The following THSD7B variants were observed in gnomAD, a reference collection of about 807,000 sequenced individuals.
THSD7B encodes thrombospondin type-1 domain-containing protein 7B.
In THSD7B, 138 loss-of-function variants were observed where a neutral mutation model predicts 213.6. The observed-to-expected ratio is 0.65, with a 90% CI of 0.56 to 0.74. The LOEUF is 0.74. Ranked by LOEUF, THSD7B falls within the 30% of genes least tolerant of loss-of-function variation. THSD7B has a pLI of 0.00. For synonymous variants in THSD7B, 742 were observed against 687.0 expected, an observed-to-expected ratio of 1.08 and a Z score of -1.25; for missense variants, 1,931 against 1,991.5, an observed-to-expected ratio of 0.97 and a Z score of 0.58.
intron 21 of THSD7B, among the ~76,000 whole-genome samples, chr2:137,651,472 A>G (rs1368073226): frequency 6.6e-6 from 1 of 151,700 alleles, no homozygotes; most frequent in Non-Finnish European, 1.5e-5. Context: ...TTCTTAGTCT[A>G]GCTAAAAGTT....
chr2:137,458,732 T>C (rs1687820223), intron 15 of THSD7B, among the ~76,000 whole-genome samples: 1 of 152,176 alleles, frequency 6.6e-6, no homozygotes, highest in Non-Finnish European at 1.5e-5. Context: ...TTGATGTGCA[T>C]GGTCTGTCCC....
chr2:137,573,054 A>C (rs72844525), intron 17 of THSD7B, among the ~76,000 whole-genome samples: 9,098 of 142,752 alleles, frequency 0.064, 418 homozygotes, highest in Non-Finnish European at 0.1. Flanking sequence ...AAAGCTAACA[A>C]AAATACCTTA....
intron 4 of THSD7B, among the ~76,000 whole-genome samples, chr2:137,099,095 C>T (rs1023892689): frequency 6.6e-6 from 1 of 152,124 alleles, no homozygotes; most frequent in Non-Finnish European, 1.5e-5. Context: ...TCATTAAACA[C>T]TCACAGTGTA....
chr2:137,241,686 G>A (rs913828298), intron 9 of THSD7B, among the ~76,000 whole-genome samples: 3 of 152,032 alleles, frequency 2.0e-5, no homozygotes, highest in African/African-American at 4.8e-5. Flanking sequence ...GCCAAGGAGG[G>A]CAGATTATGA....
At chr2:137,353,315 T>C (rs1685054911) in intron 12 of THSD7B, among the ~76,000 whole-genome samples, 1 of 152,094 alleles carries the variant, frequency 6.6e-6, no homozygotes, top group South Asian at 2.1e-4. Flanking sequence ...TTACCAGTTA[T>C]TAGCTCATTC....
At chr2:137,559,576 A>C (rs1412315165) in intron 15 of THSD7B, among the ~76,000 whole-genome samples, 1 of 152,322 alleles carries the variant, frequency 6.6e-6, no homozygotes, top group East Asian at 1.9e-4. Context: ...GGATGGACTA[A>C]TGACTTAAAT....
chr2:136,880,397 T>G (rs1413936927), intron 1 of THSD7B, among the ~76,000 whole-genome samples: 2 of 152,214 alleles, frequency 1.3e-5, no homozygotes, highest in Non-Finnish European at 2.9e-5. Context: ...CTTTTTACTC[T>G]CCAGTACCTA....
chr2:137,063,543 C>T (rs999111772), intron 3 of THSD7B, among the ~76,000 whole-genome samples: 9 of 151,964 alleles, frequency 5.9e-5, no homozygotes, highest in African/African-American at 1.9e-4. Context: ...TCCAGTTATA[C>T]TCAGCTATTT....
chr2:137,371,123 TTTTATCTGGACTCAACC>T (rs1250435537), intron 12 of THSD7B, among the ~76,000 whole-genome samples: 1 of 152,160 alleles, frequency 6.6e-6, no homozygotes, highest in Non-Finnish European at 1.5e-5. Flanking sequence ...TTCTGACCTA[TTTTATCTGGACTCAACC>T]TTGATATTTA....
chr2:137,465,310 T>C (rs1687971145), intron 15 of THSD7B, among the ~76,000 whole-genome samples: 1 of 151,714 alleles, frequency 6.6e-6, no homozygotes, highest in South Asian at 2.1e-4. Context: ...AATTGAATAC[T>C]AGAATAAAAG....
At chr2:137,346,755 C>T (rs529816431) in intron 12 of THSD7B, among the ~76,000 whole-genome samples, 92 of 151,678 alleles carry the variant, frequency 6.1e-4, no homozygotes, top group African/African-American at 2.2e-3. Flanking sequence ...TTCTTTATCT[C>T]GCTGAAGGAA....
rs544448813 is a variant in THSD7B, at chr2:137,446,422, T to C, written c.2960-4423T>C. 4.7e-4 allele frequency among the ~76,000 whole-genome samples: 71 copies of C among 152,196 alleles called. 1 individual carries two copies. The South Asian group carries it at 9.9e-3, about 21-fold the overall frequency. On this transcript the variant is annotated intron_variant, in intron 14 of 27. Transcript: ENST00000409968. Reference sequence around the variant, plus strand: ...GAAAAGTCCTTTCATTCCAAGTCTCTGGGCTTCAATTCTATTTGGTAGATC... The same window carrying C: ...GAAAAGTCCTTTCATTCCAAGTCTCCGGGCTTCAATTCTATTTGGTAGATC...
At chr2:137,283,083 G>C (rs537057656) in intron 12 of THSD7B, among the ~76,000 whole-genome samples, 3 of 151,994 alleles carry the variant, frequency 2.0e-5, no homozygotes, top group African/African-American at 4.8e-5. Flanking sequence ...TTATTTCATT[G>C]ATCAGTGATT....
At chr2:137,234,001 A>T (rs1191256567) in intron 9 of THSD7B, among the ~76,000 whole-genome samples, 2 of 152,216 alleles carry the variant, frequency 1.3e-5, no homozygotes, top group Non-Finnish European at 2.9e-5. Flanking sequence ...TAAGCTAGGC[A>T]ACATACAGTG....
At chr2:137,301,229 T>C (rs1573944365) in intron 12 of THSD7B, among the ~76,000 whole-genome samples, 1 of 152,100 alleles carries the variant, frequency 6.6e-6, no homozygotes, top group Non-Finnish European at 1.5e-5. Context: ...TGAGTTTCCC[T>C]TTATGGTTCC....
At chr2:137,367,051 A>C (rs944374440) in intron 12 of THSD7B, among the ~76,000 whole-genome samples, 6 of 152,156 alleles carry the variant, frequency 3.9e-5, no homozygotes, top group African/African-American at 1.4e-4. Flanking sequence ...CTGGGTAGAT[A>C]AATAAAATTT....
intron 2 of THSD7B, among the ~76,000 whole-genome samples, chr2:136,943,129 T>C (rs1158766415): frequency 1.3e-5 from 2 of 152,248 alleles, no homozygotes; most frequent in Non-Finnish European, 2.9e-5. Flanking sequence ...CTGCATCTAC[T>C]GAGATAATCA....
intron 2 of THSD7B, among the ~76,000 whole-genome samples, chr2:136,933,095 T>C (rs1430932429): frequency 7.3e-6 from 1 of 136,100 alleles, no homozygotes; most frequent in African/African-American, 3.0e-5. Flanking sequence ...GTAGATTATA[T>C]ATTTTGCCCG....
At chr2:136,955,822 T>G (rs1333081032) in intron 2 of THSD7B, among the ~76,000 whole-genome samples, 4 of 151,998 alleles carry the variant, frequency 2.6e-5, no homozygotes, top group African/African-American at 7.2e-5. Flanking sequence ...CCTGGCTAAT[T>G]TTTTGTATTT....
Sources: gnomAD v4.1 joint callset for allele counts (sites outside exome capture counted in the v4.1 genomes callset) on GRCh38, gnomAD v4.1.1 for gene constraint, MANE v1.5 for transcripts, NCBI Gene and HGNC (gene_info 2026-07-23, HGNC 2026-07-21) for gene names.